RTN4RL1: variants seen among roughly 807,000 people sequenced by gnomAD.
RTN4RL1 encodes the protein reticulon-4 receptor-like 1.
RTN4RL1 carries 7 observed loss-of-function variants against 25.6 expected under a neutral mutation model. That is an observed-to-expected ratio of 0.27 (90% CI 0.16 to 0.51). RTN4RL1 has a LOEUF of 0.51. Among genes scored for constraint, RTN4RL1 ranks in the 20% least tolerant of loss-of-function variants. RTN4RL1 has a pLI of 0.97. For synonymous variants in RTN4RL1, 297 were observed against 288.2 expected, an observed-to-expected ratio of 1.03 and a Z score of -0.31; for missense variants, 500 against 615.6, an observed-to-expected ratio of 0.81 and a Z score of 1.99.
chr17:1,943,497 C>T (rs955402937), intron 1 of RTN4RL1, among the ~76,000 whole-genome samples: 8 of 152,224 alleles, frequency 5.3e-5, no homozygotes, highest in African/African-American at 1.9e-4. Context: ...TCTTGGAGAC[C>T]GGTAAGATCC....
chr17:1,941,881 G>T (rs1915445874), intron 1 of RTN4RL1, among the ~76,000 whole-genome samples: 1 of 152,214 alleles, frequency 6.6e-6, no homozygotes, highest in Admixed American at 6.5e-5. Context: ...TTCTCCCAGG[G>T]AGGCTGGCGC....
At position 2,024,841 on chromosome 17, in the gene RTN4RL1, G is replaced by C; in HGVS notation, c.13+12C>G. The C allele has an allele frequency of 1.3e-6, 2 of 1,577,114 alleles. No homozygotes were observed. Among genetic ancestry groups the C allele is most frequent in the East Asian group, 4.7e-5 (2 of 42,626 alleles). On this transcript the variant is annotated intron_variant, in intron 1 of 1. Coordinates refer to ENST00000331238, the MANE Select transcript of RTN4RL1 (RefSeq NM_178568.4). ...CATTCAACTTCAACTTGCCCCTGCG[G>C]CTCCAACTCACCTTTGCGAAGCATG...
In RTN4RL1 at chr17:1,936,699, G is replaced by A; in HGVS notation, c.1123C>T (p.Pro375Ser). The A allele has an allele frequency of 1.9e-6, 3 of 1,583,686 alleles. No homozygotes were observed. Among genetic ancestry groups the A allele is most frequent in the Non-Finnish European group, 2.6e-6 (3 of 1,167,342 alleles). Residue 375 changes from proline (P) to serine (S), a missense_variant, in exon 2 of 2, where the codon CCC becomes TCC. Around this residue, in one of 2 missense-constraint regions of RTN4RL1, gnomAD observed 268 missense variants for 274.5 expected, o/e 0.98. Transcript: ENST00000331238. ...TCTGGGGCATAGTCTGGCAGCTCGG[G>A]GGCCTGTTTCCCGGCGCCCGCCTTA... ...ISKAGAGKQA[P>S]ELPDYAPDYQ...
At chr17:1,963,524 C>G (rs1332007795) in intron 1 of RTN4RL1, among the ~76,000 whole-genome samples, 1 of 152,218 alleles carries the variant, frequency 6.6e-6, no homozygotes, top group Non-Finnish European at 1.5e-5. Context: ...TCAGGGGCTC[C>G]CTGCTGCCTC....
intron 1 of RTN4RL1, among the ~76,000 whole-genome samples, chr17:1,957,032 G>A (rs890852752): frequency 3.3e-5 from 5 of 152,192 alleles, no homozygotes; most frequent in African/African-American, 7.2e-5. Context: ...GAGCCACCGC[G>A]CCCAGCCAGG....
rs1033011043 is a variant in RTN4RL1 at position 1,935,952 on chromosome 17, G to A, written c.*544C>T. On this transcript the variant is annotated 3_prime_UTR_variant, in exon 2 of 2. Transcript: ENST00000331238. ...ATCAGGAATGAGAGGCGCTACCCCC[G>A]AGGGAGGGGCTGAAGGTGGAGTAGG... 20 of 985,540 alleles carry A rather than the reference G, an allele frequency of 2.0e-5. No homozygotes were observed. The highest frequency in any genetic ancestry group is 6.2e-5 in the Admixed American group (1 of 16,232). 61.0% of individuals were successfully genotyped at this position (985,540 alleles called of 1,614,324 possible). A position where few individuals can be genotyped will look rare whatever the true frequency, so the allele number is the denominator to read the frequency against.
chr17:2,021,687 T>C (rs1445642682), intron 1 of RTN4RL1, among the ~76,000 whole-genome samples: 1 of 151,168 alleles, frequency 6.6e-6, no homozygotes, highest in Non-Finnish European at 1.5e-5. Context: ...CCCAAGGAGC[T>C]GGGATTACAG....
chr17:1,936,850 G>A lies in RTN4RL1; in HGVS notation c.972C>T (p.Ala324=), dbSNP rs200787705. The A allele has an allele frequency of 4.7e-5, 74 of 1,587,596 alleles. 1 individual carries two copies. Among genetic ancestry groups the A allele is most frequent in the South Asian group, 2.1e-4 (18 of 87,384 alleles). The change falls in exon 2 of 2, where the codon GCC becomes GCT. Residue 324 remains alanine, a synonymous_variant. Transcript: ENST00000331238. ...KSHTLTTTDR[A]ARKEHHSPHG... is the part of the protein sequence containing the mutation. ...GGGGTGAGTGGTGTTCCTTGCGGGC[G>A]GCCCTGTCGGTGGTGGTGAGCGTGT...
intron 1 of RTN4RL1, among the ~76,000 whole-genome samples, chr17:1,954,056 G>T (rs1210195279): frequency 3.9e-5 from 6 of 152,202 alleles, no homozygotes; most frequent in Non-Finnish European, 8.8e-5. Context: ...TGTCCACAGT[G>T]ATCTTGTTAA....
At chr17:1,962,162 C>T (rs1233060068) in intron 1 of RTN4RL1, among the ~76,000 whole-genome samples, 2 of 150,894 alleles carry the variant, frequency 1.3e-5, no homozygotes, top group Non-Finnish European at 3.0e-5. Context: ...TGCATGCAGT[C>T]CCAGCTACTC....
Position 2,024,924 on chromosome 17 carries a change from G to A in RTN4RL1, c.-59C>T, listed in dbSNP as rs2067253229. 1 of 1,532,924 alleles carries A rather than the reference G, an allele frequency of 6.5e-7. No homozygotes were observed. The highest frequency in any genetic ancestry group is 2.0e-5 in the Admixed American group (1 of 51,152). The allele number at this position is 1,532,924 out of a possible 1,614,324, so 95.0% of individuals were successfully genotyped here. A position where few individuals can be genotyped will look rare whatever the true frequency, so the allele number is the denominator to read the frequency against. ...TAGGCGCACTCCCTCCCGGGGTCCA[G>A]ATTCAAATCCCTGGGCGCCAGCTGC... is the stretch of plus-strand genomic sequence containing the variant. On this transcript the variant is annotated 5_prime_UTR_variant, in exon 1 of 2. Transcript: ENST00000331238.
At chr17:2,021,181 CCT>C (rs1360394340) in intron 1 of RTN4RL1, among the ~76,000 whole-genome samples, 1 of 152,158 alleles carries the variant, frequency 6.6e-6, no homozygotes, top group Non-Finnish European at 1.5e-5. Context: ...AGGCAGTCCC[CCT>C]CAGTCCTCCC....
intron 1 of RTN4RL1, among the ~76,000 whole-genome samples, chr17:1,966,147 T>G (rs1168472366): frequency 1.3e-5 from 2 of 151,904 alleles, no homozygotes; most frequent in South Asian, 2.1e-4. Flanking sequence ...ACAGATGGAA[T>G]TTTCCCCACC....
intron 1 of RTN4RL1, among the ~76,000 whole-genome samples, chr17:1,980,881 C>G (rs1217786486): frequency 7.2e-6 from 1 of 139,534 alleles, no homozygotes; most frequent in Non-Finnish European, 1.5e-5. Context: ...GTGCGGAGAT[C>G]ACACCACTGC....
At chr17:2,022,659 G>C (rs1741966596) in intron 1 of RTN4RL1, among the ~76,000 whole-genome samples, 1 of 152,246 alleles carries the variant, frequency 6.6e-6, no homozygotes, top group Non-Finnish European at 1.5e-5. Context: ...AAAACTGCCT[G>C]CCCAGGAAAG....
intron 1 of RTN4RL1, among the ~76,000 whole-genome samples, chr17:2,021,824 G>A (rs1212204904): frequency 1.3e-5 from 2 of 149,318 alleles, no homozygotes; most frequent in African/African-American, 4.9e-5. Flanking sequence ...CAAAGTGCTG[G>A]GATTACAGGT....
intron 1 of RTN4RL1, among the ~76,000 whole-genome samples, chr17:1,959,765 A>C (rs1396208982): frequency 6.6e-6 from 1 of 152,062 alleles, no homozygotes; most frequent in Non-Finnish European, 1.5e-5. Flanking sequence ...GGGTTTCGCC[A>C]TGTGGGCCCA....
chr17:2,017,198 G>A (rs1238496994), intron 1 of RTN4RL1, among the ~76,000 whole-genome samples: 1 of 152,246 alleles, frequency 6.6e-6, no homozygotes, highest in Non-Finnish European at 1.5e-5. Context: ...CTGTGGGGAT[G>A]ATTTTGGAGG....
At chr17:1,999,908 G>A (rs1445655573) in intron 1 of RTN4RL1, among the ~76,000 whole-genome samples, 1 of 152,232 alleles carries the variant, frequency 6.6e-6, no homozygotes, top group African/African-American at 2.4e-5. Context: ...CAGAGCAGCT[G>A]GGGCAGGCCT....
Sources: allele counts gnomAD v4.1 joint callset (sites outside exome capture counted in the v4.1 genomes callset), GRCh38; gene constraint gnomAD v4.1.1; regional missense constraint gnomAD v4.1.1; transcripts MANE v1.5; gene names NCBI Gene and HGNC (gene_info 2026-07-23, HGNC 2026-07-21).